Variants in NFIC observed in about 807,000 individuals in gnomAD.
NFIC encodes nuclear factor I C, also known as nuclear factor 1 C-type.
A neutral mutation model predicts 54.4 loss-of-function variants in NFIC; 12 were observed. That is an observed-to-expected ratio of 0.22 (90% confidence interval 0.14 to 0.36). NFIC has a LOEUF of 0.36. Ranked by LOEUF, NFIC falls within the 10% of genes least tolerant of loss-of-function variation. The pLI, the probability that NFIC is intolerant of heterozygous loss-of-function variation, is 1.00. For missense variants in NFIC, 575 were observed against 718.2 expected (o/e 0.80, Z 2.28); for synonymous variants, 322 against 319.2 (o/e 1.01, Z -0.09).
rs1353405703 is a variant in NFIC at position 3,458,842 on chromosome 19, A to T, written c.1509+2207A>T. Among the ~76,000 whole-genome samples the T allele has an allele frequency of 2.0e-5, 3 of 152,068 alleles. No individual in the cohort carries two copies. The highest frequency in any genetic ancestry group is 4.4e-5 in the Non-Finnish European group (3 of 67,992). On this transcript the variant is annotated intron_variant, in intron 10 of 10. Transcript: ENST00000443272. The surrounding 1 kb of genome is among the most constrained non-coding windows in gnomAD (Gnocchi z 4.1). ...CAGAACTTTCTGGAGCACAGAAAGG[A>T]GGTGACACATTGTCAAGAGGCTCTC...
intron 1 of NFIC, among the ~76,000 whole-genome samples, chr19:3,374,948 C>G (rs2081079738): frequency 6.6e-6 from 1 of 152,158 alleles, no homozygotes; most frequent in South Asian, 2.1e-4. Flanking sequence ...GGGGTCACCA[C>G]TGACGTGGGC....
intron 6 of NFIC, among the ~76,000 whole-genome samples, chr19:3,440,578 C>A (rs2082278675): frequency 1.3e-5 from 2 of 152,020 alleles, no homozygotes; most frequent in Admixed American, 6.6e-5. Context: ...TTACAGGTGC[C>A]CGCCACCACG....
At chr19:3,368,222 G>A (rs2080932173) in intron 1 of NFIC, among the ~76,000 whole-genome samples, 2 of 152,336 alleles carry the variant, frequency 1.3e-5, no homozygotes, top group Admixed American at 6.5e-5. Context: ...GCTGGAAGGA[G>A]CCATTTGGGA....
intron 2 of NFIC, among the ~76,000 whole-genome samples, chr19:3,399,528 A>G (rs984354881): frequency 6.6e-6 from 1 of 152,040 alleles, no homozygotes; most frequent in Admixed American, 6.6e-5. Flanking sequence ...GTGAGCTGTG[A>G]TTGGGCCACT....
chr19:3,417,611 C>CTCTTTT (rs2145584013), intron 2 of NFIC, among the ~76,000 whole-genome samples: 2 of 150,010 alleles, frequency 1.3e-5, no homozygotes, highest in African/African-American at 4.9e-5. Flanking sequence ...TTATCTGTGC[C>CTCTTTT]TCTTTTTCTT....
chr19:3,443,979 G>A (rs1216082919), intron 6 of NFIC, among the ~76,000 whole-genome samples: 2 of 152,214 alleles, frequency 1.3e-5, no homozygotes, highest in Admixed American at 1.3e-4. Context: ...CCTGACCCCG[G>A]ACCCTAGAGA....
chr19:3,431,360 CTTTTTTTTTTTT>C (rs71164702), intron 3 of NFIC, among the ~76,000 whole-genome samples: 4 of 84,168 alleles, frequency 4.8e-5, no homozygotes, highest in Admixed American at 1.7e-4. Context: ...TTTCCTTCTT[CTTTTTTTTTTTT>C]TTTTTTTTTT....
intron 3 of NFIC, among the ~76,000 whole-genome samples, chr19:3,426,377 C>G (rs2082027893): frequency 6.6e-6 from 1 of 152,116 alleles, no homozygotes; most frequent in Non-Finnish European, 1.5e-5. Flanking sequence ...CCACACCCAG[C>G]CCTCATGGGG....
rs1261020585 is a variant in NFIC, at chr19:3,458,316, G to A, written c.1509+1681G>A. On this transcript the variant is annotated intron_variant, in intron 10 of 10. Coordinates refer to ENST00000443272, the MANE Select transcript of NFIC (RefSeq NM_001245002.2). This position sits in a 1 kb window ranked among gnomAD's most constrained non-coding sequence, Gnocchi z 4.1. ...CCACCCCCACCCCACATCGCTCCCT[G>A]CCCCTGCGGGAGGCTGGGAACGTCT... is the stretch of plus-strand genomic sequence containing the variant. Among the ~76,000 whole-genome samples the A allele has an allele frequency of 1.3e-5, 2 of 152,244 alleles. No individual in the cohort carries two copies. Among genetic ancestry groups the A allele is most frequent in the East Asian group, 3.9e-4 (2 of 5,174 alleles).
chr19:3,452,059 A>AGCTGAGGT lies in NFIC; in HGVS notation c.1085-422_1085-415dup, dbSNP rs1252928035. 6.9e-6 allele frequency among the ~76,000 whole-genome samples: 1 copy of AGCTGAGGT among 144,698 alleles called. No homozygotes were observed. Among genetic ancestry groups the AGCTGAGGT allele is most frequent in the African/African-American group, 2.6e-5 (1 of 38,706 alleles). The allele number at this position is 144,698 out of a possible 152,430, so 94.9% of individuals were successfully genotyped here. A position where few individuals can be genotyped will look rare whatever the true frequency, so the allele number is the denominator to read the frequency against. On this transcript the variant is annotated intron_variant, in intron 7 of 10. Coordinates refer to ENST00000443272, the MANE Select transcript of NFIC (RefSeq NM_001245002.2). This position sits in a 1 kb window ranked among gnomAD's most constrained non-coding sequence, Gnocchi z 5.3. ...AACCCAGGAGGTGGAGGTTGCAGTG[A>AGCTGAGGT]GCTGAGGTCATACCACTGCACTCCA...
At chr19:3,430,276 G>A (rs2082100621) in intron 3 of NFIC, among the ~76,000 whole-genome samples, 1 of 150,076 alleles carries the variant, frequency 6.7e-6, no homozygotes. Context: ...AGGCTGGAGT[G>A]CAGTGGCGCA....
At chr19:3,377,086 T>A (rs2081120622) in intron 1 of NFIC, among the ~76,000 whole-genome samples, 1 of 149,100 alleles carries the variant, frequency 6.7e-6, no homozygotes, top group African/African-American at 2.5e-5. Flanking sequence ...CCCAGCACTT[T>A]GGGAGGCCGA....
chr19:3,385,089 G>A (rs1039088757), intron 2 of NFIC, among the ~76,000 whole-genome samples: 3 of 147,486 alleles, frequency 2.0e-5, no homozygotes, highest in African/African-American at 7.5e-5. Flanking sequence ...CTCTCTGAGT[G>A]AAGGCTGCAC....
intron 2 of NFIC, among the ~76,000 whole-genome samples, chr19:3,407,533 C>T (rs986323745): frequency 2.6e-5 from 4 of 152,122 alleles, no homozygotes; most frequent in African/African-American, 4.8e-5. Flanking sequence ...CTCCCGGGTT[C>T]GAGCAATTCT....
At chr19:3,447,980 C>T (rs2082397929) in intron 6 of NFIC, among the ~76,000 whole-genome samples, 1 of 152,262 alleles carries the variant, frequency 6.6e-6, no homozygotes, top group South Asian at 2.1e-4. Context: ...TCTCGGCCCA[C>T]TGCAACCTCT....
rs1048539610 is a variant in NFIC at position 3,433,994 on chromosome 19, G to A, written c.710-283G>A. 3.9e-5 allele frequency among the ~76,000 whole-genome samples: 6 copies of A among 152,228 alleles called. No homozygotes were observed. The East Asian group carries it at 1.2e-3, about 29-fold the overall frequency. On this transcript the variant is annotated intron_variant, in intron 4 of 10. Coordinates refer to ENST00000443272, the MANE Select transcript of NFIC (RefSeq NM_001245002.2). The stretch of plus-strand genomic sequence containing the variant: ...CCCACCCCAGCGAGTCCTGGGCGCT[G>A]TCCTTCTTTAGCCCTGACTGACACC...
chr19:3,377,415 G>A (rs1329562828), intron 1 of NFIC, among the ~76,000 whole-genome samples: 1 of 149,718 alleles, frequency 6.7e-6, no homozygotes, highest in African/African-American at 2.5e-5. Flanking sequence ...TAACAATGTA[G>A]TCCTTTGAGA....
At chr19:3,421,373 G>A (rs144328902) in intron 2 of NFIC, among the ~76,000 whole-genome samples, 46 of 152,352 alleles carry the variant, frequency 3.0e-4, no homozygotes, top group African/African-American at 1.0e-3. Context: ...GCCCAGGCTG[G>A]GTCCTTCCCA....
intron 3 of NFIC, among the ~76,000 whole-genome samples, chr19:3,430,692 G>A (rs900321993): frequency 6.6e-5 from 10 of 152,130 alleles, no homozygotes; most frequent in African/African-American, 9.6e-5. Flanking sequence ...CCAGCACTTT[G>A]GGAGGCCAAG....
Sources: gnomAD v4.1 joint callset for allele counts (sites outside exome capture counted in the v4.1 genomes callset) on GRCh38, gnomAD v4.1.1 for gene constraint, Gnocchi (gnomAD v3.1) non-coding constraint, MANE v1.5 for transcripts, NCBI Gene and HGNC (gene_info 2026-07-23, HGNC 2026-07-21) for gene names.